Variants in FCHSD1 observed in about 807,000 individuals in gnomAD.
The protein encoded by FCHSD1 is FCH and double SH3 domains 1, also known as F-BAR and double SH3 domains protein 1.
In FCHSD1, 109 loss-of-function variants were observed where a neutral mutation model predicts 101.3. The ratio of observed to expected loss-of-function variants is 1.08; its 90% confidence interval spans 0.92 to 1.26. The LOEUF (loss-of-function observed/expected upper bound fraction) is 1.26, where lower values mean the gene tolerates loss of function less well. FCHSD1 is among the 50% of genes most tolerant of loss of function. FCHSD1 has a pLI of 0.00. For missense variants in FCHSD1, 820 were observed against 895.8 expected, an observed-to-expected ratio of 0.92 and a Z score of 1.08; for synonymous variants, 291 against 356.8, an observed-to-expected ratio of 0.82 and a Z score of 2.08.
intron 1 of FCHSD1, 26 bp downstream of exon 1, chr5:141,651,322 G>A (rs1327395563): frequency 9.0e-6 from 14 of 1,553,056 alleles, no homozygotes; most frequent in Non-Finnish European, 1.1e-5. Context: ...AGCCCGCCAG[G>A]AGTCCCCATT....
In FCHSD1 at chr5:141,649,377, C is replaced by A; in HGVS notation, c.375+18G>T. The A allele has an allele frequency of 6.2e-7, 1 of 1,613,904 alleles. No individual in the cohort carries two copies. The highest frequency in any genetic ancestry group is 8.5e-7 in the Non-Finnish European group (1 of 1,179,810). Reference sequence around the variant, plus strand: ...GTCCCAAGCCAGCTCTTCCTTCACCCCAACCTCTGAGCCATACCTTCCTAA... The same window carrying A: ...GTCCCAAGCCAGCTCTTCCTTCACCACAACCTCTGAGCCATACCTTCCTAA... On this transcript the variant is annotated intron_variant, in intron 5 of 19. Transcript: ENST00000435817. This position sits in a 1 kb window ranked among gnomAD's most constrained non-coding sequence, Gnocchi z 4.1.
At position 141,640,376 on chromosome 5, in the gene FCHSD1, T is replaced by A; in HGVS notation, c.*1122A>T. 1.2e-6 allele frequency: 2 copies of A among 1,614,154 alleles called. No homozygotes were observed. Among genetic ancestry groups the A allele is most frequent in the South Asian group, 2.2e-5 (2 of 91,082 alleles). On this transcript the variant is annotated 3_prime_UTR_variant, in exon 20 of 20. Transcript: ENST00000435817. ...GGGGGGCACTGATAGGACCTACTCC[T>A]GGTCTCTCATTGTTGACCCCTCCCC...
intron 11 of FCHSD1, 188 bp from the exon 12 acceptor site, chr5:141,646,379 T>C: frequency 1.1e-6 from 1 of 923,938 alleles, no homozygotes. Context: ...GTCACTCCCT[T>C]ACCTGGGGCT....
rs781263173 is a variant in FCHSD1, at chr5:141,644,811, C to T, written c.1524+48G>A. On this transcript the variant is annotated intron_variant, in intron 15 of 19. Transcript: ENST00000435817. ...GTCTATGGAGGCCACAGAGAAGTCC[C>T]TCCTACTGCCCCCAACCCAAGGTCA... 4.1e-5 allele frequency: 66 copies of T among 1,607,062 alleles called. No homozygotes were observed. In the South Asian group the frequency reaches 6.6e-4, roughly 16 times the overall value.
chr5:141,649,817 C>CT lies in FCHSD1; in HGVS notation c.233+69_233+70insA. The CT allele has an allele frequency of 6.6e-7, 1 of 1,510,434 alleles. No homozygotes were observed. Among genetic ancestry groups the CT allele is most frequent in the Non-Finnish European group, 8.9e-7 (1 of 1,127,282 alleles). 93.6% of individuals were successfully genotyped at this position (1,510,434 alleles called of 1,614,324 possible). A position where few individuals can be genotyped will look rare whatever the true frequency, so the allele number is the denominator to read the frequency against. On this transcript the variant is annotated intron_variant, in intron 4 of 19. Coordinates refer to ENST00000435817, the MANE Select transcript of FCHSD1 (RefSeq NM_033449.3). The surrounding 1 kb of genome is among the most constrained non-coding windows in gnomAD (Gnocchi z 4.1). ...TCCCCACTTGCTAGGCCTTCATCCC[C>CT]ACAGGTTCCTGGGGCTGAGCTCCCC...
In FCHSD1 at chr5:141,640,169, A is replaced by T; in HGVS notation, c.*1329T>A. 1 of 1,614,138 alleles carries T rather than the reference A, an allele frequency of 6.2e-7. No individual in the cohort carries two copies. The highest frequency in any genetic ancestry group is 8.5e-7 in the Non-Finnish European group (1 of 1,180,002). On this transcript the variant is annotated 3_prime_UTR_variant, in exon 20 of 20. Transcript: ENST00000435817. Reference sequence around the variant, plus strand: ...GGGACAGCAGCCTAACCCCTCGTGCACTTGAAGGGAACCCCAGAGCTTCTG... The same window carrying T: ...GGGACAGCAGCCTAACCCCTCGTGCTCTTGAAGGGAACCCCAGAGCTTCTG...
chr5:141,641,251 C>T lies in FCHSD1; in HGVS notation c.*247G>A, dbSNP rs572777481. The T allele has an allele frequency of 7.3e-6, 3 of 410,670 alleles. No homozygotes were observed. The highest frequency in any genetic ancestry group is 7.0e-5 in the East Asian group (2 of 28,576). 25.4% of individuals were successfully genotyped at this position (410,670 alleles called of 1,614,324 possible). On this transcript the variant is annotated 3_prime_UTR_variant, in exon 20 of 20. Transcript: ENST00000435817. ...GCCCCAGAGATTTCAGGCATTTCAC[C>T]ACCCTAGATAGGGTCATGACAGAAG... is the stretch of plus-strand genomic sequence containing the variant.
intron 10 of FCHSD1, 33 bp downstream of exon 10, chr5:141,647,102 G>C (rs2099907758): frequency 2.6e-6 from 4 of 1,554,294 alleles, no homozygotes; most frequent in Non-Finnish European, 3.5e-6. Context: ...GCCTTTATAT[G>C]TGGCCTGGTT....
rs1267416511 is a variant in FCHSD1, at chr5:141,644,408, G to T, written c.1673C>A (p.Thr558Asn). ...AFLAQALYSY[T>N]GQSAEELSFP... ...GCTCAGCTCCTCTGCACTCTGTCCG[G>T]TGTAGCTGTACAGGGCCTGTGCCAG... Residue 558 changes from threonine to asparagine, a missense_variant, in exon 17 of 20, where the codon ACC (threonine) becomes AAC (asparagine). Thr to Asn is a moderately conservative substitution (Grantham distance 65, BLOSUM62 0). Transcript: ENST00000435817. 3 of 1,613,772 alleles carry T rather than the reference G, an allele frequency of 1.9e-6. No homozygotes were observed. The African/African-American group carries it at 4.0e-5, about 22-fold the overall frequency.
intron 2 of FCHSD1, 34 bp from the exon 3 acceptor site, chr5:141,650,438 GA>G: frequency 1.2e-6 from 2 of 1,613,760 alleles, no homozygotes; most frequent in South Asian, 1.1e-5. Context: ...TGAGGTGGGG[GA>G]TAAGGTTATG....
Position 141,640,672 on chromosome 5 carries a change from C to G in FCHSD1, c.*826G>C. 6.5e-7 allele frequency: 1 copy of G among 1,535,706 alleles called. No individual in the cohort carries two copies. Among genetic ancestry groups the G allele is most frequent in the Non-Finnish European group, 8.7e-7 (1 of 1,146,504 alleles). Reference sequence around the variant, plus strand: ...GTGTTATTCTTCCTCTTCTCCAAGTCTCCTTCATTGTGCTGATGGACTACC... The same window carrying G: ...GTGTTATTCTTCCTCTTCTCCAAGTGTCCTTCATTGTGCTGATGGACTACC... On this transcript the variant is annotated 3_prime_UTR_variant, in exon 20 of 20. Coordinates refer to ENST00000435817, the MANE Select transcript of FCHSD1 (RefSeq NM_033449.3).
intron 2 of FCHSD1, 43 bp downstream of exon 2, chr5:141,650,977 A>G: frequency 6.5e-7 from 1 of 1,528,586 alleles, no homozygotes; most frequent in Non-Finnish European, 8.9e-7. Context: ...AGTGGCGCAC[A>G]ACGACGAAGG....
intron 11 of FCHSD1, 154 bp downstream of exon 11, chr5:141,646,449 G>C (rs1221218718): frequency 4.0e-6 from 5 of 1,242,618 alleles, no homozygotes; most frequent in Non-Finnish European, 1.1e-6. Context: ...TCCAAAAACT[G>C]TGCTCTTAAC....
rs2154598247 is a variant in FCHSD1 at position 141,640,449 on chromosome 5, A to C, written c.*1049T>G. ...CAGGGAGCAGGGAGTATGTGAGGTGAGTCTGCCTGAGCCCTAAATGAGGTA... is the reference window on the plus strand; with the variant it reads ...CAGGGAGCAGGGAGTATGTGAGGTGCGTCTGCCTGAGCCCTAAATGAGGTA... On this transcript the variant is annotated 3_prime_UTR_variant, in exon 20 of 20. Transcript: ENST00000435817. The C allele has an allele frequency of 1.2e-6, 2 of 1,614,114 alleles. No individual in the cohort carries two copies. The highest frequency in any genetic ancestry group is 2.2e-5 in the East Asian group (1 of 44,874).
Position 141,639,689 on chromosome 5 carries a change from G to C in FCHSD1, c.*1809C>G. The C allele has an allele frequency of 6.4e-7, 1 of 1,556,104 alleles. No homozygotes were observed. On this transcript the variant is annotated 3_prime_UTR_variant, in exon 20 of 20. Transcript: ENST00000435817. The surrounding 1 kb of genome is among the most constrained non-coding windows in gnomAD (Gnocchi z 4.4). ...CCAGGGAAAGGGGGGCTGAGGTAGG[G>C]GGCCCAGTGATCAGGCACCTGATCC...
At chr5:141,650,944 C>A (rs1204810572) in intron 2 of FCHSD1, 76 bp downstream of exon 2, 1 of 1,404,074 alleles carries the variant, frequency 7.1e-7, no homozygotes, top group African/African-American at 1.4e-5. Flanking sequence ...TTCCTCCACC[C>A]CAGCACATGT....
Position 141,640,395 on chromosome 5 carries a change from C to T in FCHSD1, c.*1103G>A. 1 of 1,614,186 alleles carries T rather than the reference C, an allele frequency of 6.2e-7. No individual in the cohort carries two copies. The highest frequency in any genetic ancestry group is 8.5e-7 in the Non-Finnish European group (1 of 1,180,012). On this transcript the variant is annotated 3_prime_UTR_variant, in exon 20 of 20. Transcript: ENST00000435817. ...TACTCCTGGTCTCTCATTGTTGACCCCTCCCCTTTCTCTCAGGTGTCTCTA... is the reference window on the plus strand; with the variant it reads ...TACTCCTGGTCTCTCATTGTTGACCTCTCCCCTTTCTCTCAGGTGTCTCTA...
At chr5:141,647,793 T>C (rs2099907846) in intron 8 of FCHSD1, 175 bp downstream of exon 8, 2 of 1,045,460 alleles carry the variant, frequency 1.9e-6, no homozygotes, top group Admixed American at 2.8e-5. Flanking sequence ...TTAAGTGTAC[T>C]GTACAATGCC....
At position 141,640,591 on chromosome 5, in the gene FCHSD1, G is replaced by A; in HGVS notation, c.*907C>T. On this transcript the variant is annotated 3_prime_UTR_variant, in exon 20 of 20. Coordinates refer to ENST00000435817, the MANE Select transcript of FCHSD1 (RefSeq NM_033449.3). The stretch of plus-strand genomic sequence containing the variant: ...TCCCTTGGTTTGGTGGTGGAGGTAG[G>A]GAAGGTCCTGGAGCCCCAGGGGAAA... 5.2e-6 allele frequency: 8 copies of A among 1,545,430 alleles called. No homozygotes were observed. The highest frequency in any genetic ancestry group is 1.7e-4 in the Middle Eastern group (1 of 5,950).
Sources: allele counts gnomAD v4.1 joint callset, GRCh38; gene constraint gnomAD v4.1.1; non-coding constraint Gnocchi (gnomAD v3.1); transcripts MANE v1.5; gene names NCBI Gene and HGNC (gene_info 2026-07-23, HGNC 2026-07-21).